Variants in ZNF483 observed in about 807,000 individuals in gnomAD.
The protein encoded by ZNF483 is zinc finger protein HIT-10.
A neutral mutation model predicts 28.6 loss-of-function variants in ZNF483; 9 were observed. The observed-to-expected ratio is 0.32, with a 90% CI of 0.19 to 0.55. The LOEUF (loss-of-function observed/expected upper bound fraction) is 0.55, where lower values mean the gene tolerates loss of function less well. Ranked by LOEUF, ZNF483 falls within the 20% of genes least tolerant of loss-of-function variation. The probability of loss-of-function intolerance (pLI) is 0.93; values close to 1 mark genes in which losing one functional copy is unlikely to be tolerated. For synonymous variants in ZNF483, 322 were observed against 306.2 expected, an observed-to-expected ratio of 1.05 and a Z score of -0.54; for missense variants, 675 against 871.7, an observed-to-expected ratio of 0.77 and a Z score of 2.84.
intron 5 of ZNF483, among the ~76,000 whole-genome samples, chr9:111,540,825 A>T (rs1827652965): frequency 6.6e-6 from 1 of 152,224 alleles, no homozygotes; most frequent in Non-Finnish European, 1.5e-5. Context: ...TAAGTTAAAA[A>T]TCTGGCTCTA....
chr9:111,555,965 C>CT (rs1828110449), downstream of ZNF483, among the ~76,000 whole-genome samples: 2 of 152,324 alleles, frequency 1.3e-5, no homozygotes, highest in South Asian at 4.2e-4. Flanking sequence ...CTCAAAAGTC[C>CT]AAGTCCAAAG....
intron 5 of ZNF483, chr9:111,539,756 C>T (rs745986321): frequency 3.2e-4 from 51 of 157,834 alleles, no homozygotes; most frequent in Non-Finnish European, 4.9e-4. Context: ...AGCAAAACTC[C>T]GTCTCAAAAA....
At chr9:111,539,687 T>G (rs1433177981) in intron 5 of ZNF483, 1 of 206,106 alleles carries the variant, frequency 4.9e-6, no homozygotes, top group African/African-American at 2.4e-5. Flanking sequence ...CGCTTGAACC[T>G]GGGAGGCAGA....
chr9:111,570,036 C>T (rs750804496), intron 5 of ZNF483: 8 of 1,607,706 alleles, frequency 5.0e-6, no homozygotes, highest in Non-Finnish European at 3.4e-6. Context: ...CCTTGAGAGG[C>T]AAAGGGAGTG....
chr9:111,549,916 T>C lies in ZNF483; in HGVS notation c.*6746T>C. 1.5e-6 allele frequency: 1 copy of C among 671,858 alleles called. No homozygotes were observed. Among genetic ancestry groups the C allele is most frequent in the Non-Finnish European group, 2.6e-6 (1 of 389,894 alleles). The allele number at this position is 671,858 out of a possible 1,614,324, so 41.6% of individuals were successfully genotyped here. ...ATGTCCATTTTTTGTTGGTTTATTT[T>C]GTGCCTTTGAATGGTCAATACTTGT... On this transcript the variant is annotated 3_prime_UTR_variant, in exon 6 of 6. Coordinates refer to ENST00000309235, the MANE Select transcript of ZNF483 (RefSeq NM_133464.5).
intron 5 of ZNF483, among the ~76,000 whole-genome samples, chr9:111,538,000 TGTAA>T (rs936405315): frequency 3.2e-4 from 48 of 152,202 alleles, no homozygotes; most frequent in African/African-American, 1.1e-3. Context: ...AAGTACGGCC[TGTAA>T]GTGTGTGTGT....
At position 111,555,345 on chromosome 9, in the gene ZNF483, A is replaced by G. The variant is rs1194091224; in HGVS notation, c.*12175A>G. On this transcript the variant is annotated 3_prime_UTR_variant, in exon 6 of 6. Coordinates refer to ENST00000309235, the MANE Select transcript of ZNF483 (RefSeq NM_133464.5). ...ACATTTTCAAACTCTTTAGCCTCTG[A>G]TTTTCTCCCTACTTCCAGAAAACCT... Among the ~76,000 whole-genome samples the G allele has an allele frequency of 1.3e-5, 2 of 152,080 alleles. No homozygotes were observed. Among genetic ancestry groups the G allele is most frequent in the East Asian group, 3.9e-4 (2 of 5,170 alleles).
chr9:111,556,510 C>T (rs1318597154), downstream of ZNF483, among the ~76,000 whole-genome samples: 2 of 152,254 alleles, frequency 1.3e-5, no homozygotes, highest in Non-Finnish European at 2.9e-5. Context: ...GCCTTGACAT[C>T]CAGGCATTTC....
chr9:111,572,903 T>C (rs1246194329), intron 5 of ZNF483, among the ~76,000 whole-genome samples: 1 of 152,112 alleles, frequency 6.6e-6, no homozygotes, highest in Non-Finnish European at 1.5e-5. Context: ...TTTGTGCGTG[T>C]TGATGAGAAT....
At chr9:111,558,592 T>C (rs1267120740), downstream of ZNF483, among the ~76,000 whole-genome samples, 1 of 152,212 alleles carries the variant, frequency 6.6e-6, no homozygotes, top group East Asian at 1.9e-4. Flanking sequence ...TCTGGTTCCT[T>C]TTAGTAGAGA....
chr9:111,564,073 C>T (rs1025310972), intron 5 of ZNF483: 5 of 185,542 alleles, frequency 2.7e-5, no homozygotes, highest in African/African-American at 1.2e-4. Context: ...ATTTCTCTTT[C>T]TCCTACAAGG....
In ZNF483 at chr9:111,547,312, CTA is replaced by C; in HGVS notation, c.*4144_*4145del. On this transcript the variant is annotated 3_prime_UTR_variant, in exon 6 of 6. Coordinates refer to ENST00000309235, the MANE Select transcript of ZNF483 (RefSeq NM_133464.5). Reference sequence around the variant, plus strand: ...CCCCGCCCTTGCTAACACTTATTTTCTATTTCTTTTTTATAATAGACATCCTA... The same window carrying C: ...CCCCGCCCTTGCTAACACTTATTTTCTTTCTTTTTTATAATAGACATCCTA... Among the ~76,000 whole-genome samples, 1 of 152,106 alleles carries C rather than the reference CTA, an allele frequency of 6.6e-6. No homozygotes were observed. Among genetic ancestry groups the C allele is most frequent in the East Asian group, 1.9e-4 (1 of 5,200 alleles).
chr9:111,539,487 G>A (rs1369655904), intron 5 of ZNF483: 2 of 454,884 alleles, frequency 4.4e-6, no homozygotes, highest in Admixed American at 4.7e-5. Flanking sequence ...AATGAGGCTG[G>A]GTGTGGTGGC....
Position 111,527,458 on chromosome 9 carries a change from C to T in ZNF483, c.63C>T (p.Ala21=). The T allele has an allele frequency of 1.2e-6, 2 of 1,614,150 alleles. No individual in the cohort carries two copies. The highest frequency in any genetic ancestry group is 1.7e-6 in the Non-Finnish European group (2 of 1,180,038). Residue 21 remains alanine, a synonymous_variant, in exon 2 of 6, where the codon GCC becomes GCT. Coordinates refer to ENST00000309235, the MANE Select transcript of ZNF483 (RefSeq NM_133464.5). Reference sequence around the variant, plus strand: ...TCTCACCAGAACCTCAAACTCTGGCCTCGACTGAACAAAATGAGGTCCCAA... The same window carrying T: ...TCTCACCAGAACCTCAAACTCTGGCTTCGACTGAACAAAATGAGGTCCCAA... ...TAISPEPQTL[A]STEQNEVPRV...
At position 111,543,198 on chromosome 9, in the gene ZNF483, A is replaced by G. The variant is rs2132259768; in HGVS notation, c.*28A>G. On this transcript the variant is annotated 3_prime_UTR_variant, in exon 6 of 6. Coordinates refer to ENST00000309235, the MANE Select transcript of ZNF483 (RefSeq NM_133464.5). ...CTGGAACTACATTAAAGTGGGGGGAATTTAATTCAAATTGTCAGTTACTGA... is the reference window on the plus strand; with the variant it reads ...CTGGAACTACATTAAAGTGGGGGGAGTTTAATTCAAATTGTCAGTTACTGA... The G allele has an allele frequency of 6.4e-7, 1 of 1,553,016 alleles. No individual in the cohort carries two copies. The highest frequency in any genetic ancestry group is 8.7e-7 in the Non-Finnish European group (1 of 1,151,910).
At chr9:111,570,792 GA>G (rs1828785902) in intron 5 of ZNF483, among the ~76,000 whole-genome samples, 1 of 151,654 alleles carries the variant, frequency 6.6e-6, no homozygotes. Flanking sequence ...AAAATAAAAA[GA>G]AAAAAAGAAC....
chr9:111,537,483 G>T (rs900120903), intron 5 of ZNF483, among the ~76,000 whole-genome samples: 1 of 152,136 alleles, frequency 6.6e-6, no homozygotes, highest in Non-Finnish European at 1.5e-5. Flanking sequence ...AAAGTGCTGG[G>T]TTTACAGGCG....
chr9:111,533,648 G>A (rs1019175337), intron 3 of ZNF483, 91 bp from the exon 4 acceptor site: 12 of 1,338,478 alleles, frequency 9.0e-6, no homozygotes, highest in South Asian at 5.1e-5. Flanking sequence ...TAACACGGGC[G>A]ACAGAGCCAT....
chr9:111,542,301 A>G lies in ZNF483; in HGVS notation c.1366A>G (p.Lys456Glu). 1 of 1,614,200 alleles carries G rather than the reference A, an allele frequency of 6.2e-7. No individual in the cohort carries two copies. The highest frequency in any genetic ancestry group is 8.5e-7 in the Non-Finnish European group (1 of 1,180,034). Residue 456 changes from lysine (K) to glutamate (E), a missense_variant, in exon 6 of 6, where the codon AAA (lysine) becomes GAA (glutamate). Coordinates refer to ENST00000309235, the MANE Select transcript of ZNF483 (RefSeq NM_133464.5). The surrounding 1 kb of genome is among the most constrained non-coding windows in gnomAD (Gnocchi z 6.2). Reference sequence around the variant, plus strand: ...CTTTGGCTATAGCGCCTCACTCACCAAACATCGGAGAATTCACACTGGAGA... The same window carrying G: ...CTTTGGCTATAGCGCCTCACTCACCGAACATCGGAGAATTCACACTGGAGA... ...KAFGYSASLT[K>E]HRRIHTGEKP...
Sources: gnomAD v4.1 joint callset for allele counts (sites outside exome capture counted in the v4.1 genomes callset) on GRCh38, gnomAD v4.1.1 for gene constraint, Gnocchi (gnomAD v3.1) non-coding constraint, MANE v1.5 for transcripts, NCBI Gene and HGNC (gene_info 2026-07-23, HGNC 2026-07-21) for gene names.